PDCL2: variants seen among roughly 807,000 people sequenced by gnomAD.
The protein encoded by PDCL2 is phosducin-like protein 2.
In PDCL2, 23 loss-of-function variants were observed where a neutral mutation model predicts 30.3. The observed-to-expected ratio is 0.76, with a 90% CI of 0.55 to 1.08. The LOEUF is 1.08. Among genes scored for constraint, PDCL2 ranks in the 50% least tolerant of loss-of-function variants. The pLI is 0.00. For synonymous variants in PDCL2, 68 were observed against 86.2 expected (o/e 0.79, Z 1.17); for missense variants, 243 against 282.3 (o/e 0.86, Z 1.00).
chr4:55,578,716 A>G (rs1157412713), intron 3 of PDCL2, among the ~76,000 whole-genome samples: 2 of 152,182 alleles, frequency 1.3e-5, no homozygotes, highest in African/African-American at 4.8e-5. Context: ...ACCAGGGGTT[A>G]CTTGATCACC....
chr4:55,584,840 A>C (rs1023611428), intron 1 of PDCL2, among the ~76,000 whole-genome samples: 2 of 152,226 alleles, frequency 1.3e-5, no homozygotes, highest in African/African-American at 4.8e-5. Flanking sequence ...TTACCATTGA[A>C]TATCATCTGT....
chr4:55,558,469 G>A (rs1049621588), intron 5 of PDCL2, among the ~76,000 whole-genome samples: 3 of 152,170 alleles, frequency 2.0e-5, no homozygotes, highest in Admixed American at 6.5e-5. Context: ...TGCCATGATT[G>A]TAAGTTTGCT....
chr4:55,569,890 A>G (rs778287756), intron 3 of PDCL2, 29 bp from the exon 4 acceptor site: 1 of 1,416,028 alleles, frequency 7.1e-7, no homozygotes, highest in South Asian at 1.4e-5. Flanking sequence ...TAAATTACAT[A>G]AGAATACTGT....
chr4:55,574,837 T>C (rs1732521027), intron 3 of PDCL2, among the ~76,000 whole-genome samples: 1 of 152,232 alleles, frequency 6.6e-6, no homozygotes, highest in African/African-American at 2.4e-5. Flanking sequence ...ACTGATGACA[T>C]TTAGATTGTT....
intron 3 of PDCL2, among the ~76,000 whole-genome samples, chr4:55,577,131 G>C (rs991968583): frequency 2.6e-5 from 4 of 152,156 alleles, no homozygotes; most frequent in Non-Finnish European, 4.4e-5. Context: ...CCTGACTCAG[G>C]TGATCCGCCT....
intron 2 of PDCL2, 52 bp from the exon 3 acceptor site, chr4:55,580,963 A>G (rs1322896080): frequency 3.7e-6 from 5 of 1,355,090 alleles, no homozygotes; most frequent in East Asian, 5.2e-5. Context: ...TTTTTTTACT[A>G]TACAGTCAAT....
At chr4:55,568,499 C>G (rs1358528094) in intron 4 of PDCL2, among the ~76,000 whole-genome samples, 1 of 152,142 alleles carries the variant, frequency 6.6e-6, no homozygotes, top group East Asian at 1.9e-4. Flanking sequence ...CATATGTATT[C>G]ATAAAAGATA....
intron 3 of PDCL2, among the ~76,000 whole-genome samples, chr4:55,577,094 A>T (rs1732589224): frequency 6.6e-6 from 1 of 152,202 alleles, no homozygotes; most frequent in Admixed American, 6.5e-5. Context: ...ACAGGGTTTC[A>T]CCATGTTGGC....
chr4:55,585,525 CACACACACACACACACAG>C (rs1319801851), intron 1 of PDCL2, among the ~76,000 whole-genome samples: 1 of 106,372 alleles, frequency 9.4e-6, no homozygotes, highest in Non-Finnish European at 2.3e-5. Context: ...GAGATACTGT[CACACACACACACACACAG>C]ACACACACAC....
In PDCL2 at chr4:55,582,386, A is replaced by T. The variant is rs1344104735; in HGVS notation, c.7-149T>A. 5.9e-6 allele frequency: 5 copies of T among 851,706 alleles called. No homozygotes were observed. In the African/African-American group the frequency reaches 8.7e-5, roughly 15 times the overall value. 52.8% of individuals were successfully genotyped at this position (851,706 alleles called of 1,614,324 possible). A position where few individuals can be genotyped will look rare whatever the true frequency, so the allele number is the denominator to read the frequency against. The stretch of plus-strand genomic sequence containing the variant: ...TTTGAAGAATAAAGCAAAGTGACCT[A>T]CTTTTTCCTGCTTCCCAGCACTAAT... On this transcript the variant is annotated intron_variant, in intron 1 of 5. Coordinates refer to ENST00000295645, the MANE Select transcript of PDCL2 (RefSeq NM_152401.3).
At chr4:55,574,309 GAAGCTACATTTACCTGA>G (rs1358305276) in intron 3 of PDCL2, among the ~76,000 whole-genome samples, 1 of 152,222 alleles carries the variant, frequency 6.6e-6, no homozygotes, top group Non-Finnish European at 1.5e-5. Context: ...CTCTTCTGGG[GAAGCTACATTTACCTGA>G]AAGACTACAT....
rs1731970547 is a variant in PDCL2, at chr4:55,556,543, T to C, written c.*14A>G. On this transcript the variant is annotated 3_prime_UTR_variant, in exon 6 of 6. Transcript: ENST00000295645. Reference sequence around the variant, plus strand: ...GTACACATATACTAAAAGCTATTTATTGAATATTTCTCTCTATTTGGTATC... The same window carrying C: ...GTACACATATACTAAAAGCTATTTACTGAATATTTCTCTCTATTTGGTATC... 6.6e-7 allele frequency: 1 copy of C among 1,504,254 alleles called. No homozygotes were observed. The highest frequency in any genetic ancestry group is 1.4e-5 in the African/African-American group (1 of 71,942). 93.2% of individuals were successfully genotyped at this position (1,504,254 alleles called of 1,614,324 possible).
At chr4:55,563,046 C>T (rs577055001) in intron 4 of PDCL2, among the ~76,000 whole-genome samples, 25 of 152,308 alleles carry the variant, frequency 1.6e-4, no homozygotes, top group African/African-American at 5.8e-4. Flanking sequence ...AACTGTCTTT[C>T]CTGACTCCAA....
intron 3 of PDCL2, among the ~76,000 whole-genome samples, chr4:55,579,281 G>A (rs1185078973): frequency 6.6e-6 from 1 of 152,008 alleles, no homozygotes; most frequent in East Asian, 1.9e-4. Context: ...AGTTCGCTAA[G>A]GAGCACTAAT....
At chr4:55,580,195 T>G (rs1380410713) in intron 3 of PDCL2, among the ~76,000 whole-genome samples, 1 of 152,214 alleles carries the variant, frequency 6.6e-6, no homozygotes, top group African/African-American at 2.4e-5. Flanking sequence ...CAATCAATAC[T>G]ACTTGATCAA....
At chr4:55,565,863 C>T (rs1732249438) in intron 4 of PDCL2, among the ~76,000 whole-genome samples, 1 of 151,012 alleles carries the variant, frequency 6.6e-6, no homozygotes, top group Non-Finnish European at 1.5e-5. Context: ...TAAATTGACT[C>T]TATATGGGCA....
chr4:55,578,003 G>C (rs906728704), intron 3 of PDCL2, among the ~76,000 whole-genome samples: 10 of 152,034 alleles, frequency 6.6e-5, no homozygotes, highest in Non-Finnish European at 1.3e-4. Context: ...TGTTTTAATT[G>C]TTGTAGGCTG....
chr4:55,580,785 C>T, intron 3 of PDCL2, 36 bp downstream of exon 3: 1 of 1,451,912 alleles, frequency 6.9e-7, no homozygotes. Flanking sequence ...ATACTTCATT[C>T]AAAAATTTAT....
intron 1 of PDCL2, among the ~76,000 whole-genome samples, chr4:55,591,450 G>A (rs1317929116): frequency 2.0e-5 from 3 of 152,274 alleles, no homozygotes; most frequent in Admixed American, 6.5e-5. Flanking sequence ...GTGCAGTGGT[G>A]CAATCTCGGC....
Sources: allele counts gnomAD v4.1 joint callset (sites outside exome capture counted in the v4.1 genomes callset), GRCh38; gene constraint gnomAD v4.1.1; transcripts MANE v1.5; gene names NCBI Gene and HGNC (gene_info 2026-07-23, HGNC 2026-07-21).